The following MYT1L variants were observed in gnomAD, a reference collection of about 807,000 sequenced individuals.
MYT1L encodes myelin transcription factor 1 like.
MYT1L carries 12 observed loss-of-function variants against 126.7 expected under a neutral mutation model. The ratio of observed to expected loss-of-function variants is 0.09; its 90% CI spans 0.06 to 0.15. The LOEUF (loss-of-function observed/expected upper bound fraction) is 0.15. Among genes scored for constraint, MYT1L ranks in the 10% least tolerant of loss-of-function variants. The pLI, the probability that MYT1L is intolerant of heterozygous loss-of-function variation, is 1.00. For missense variants in MYT1L, 979 were observed against 1,585.2 expected (o/e 0.62, Z 6.49); for synonymous variants, 541 against 604.2 (o/e 0.90, Z 1.53).
In MYT1L at chr2:1,954,223, C is replaced by T. The variant is rs773207243; in HGVS notation, c.153-10889G>A. ...CTCCCCTGCCAGGCCAACACAAACG[C>T]TGAAGTCACCGTGAGTCAGAAAACA... is the stretch of plus-strand genomic sequence containing the variant. On this transcript the variant is annotated intron_variant, in intron 8 of 24. Transcript: ENST00000647738. 9.0e-4 allele frequency among the ~76,000 whole-genome samples: 137 copies of T among 152,200 alleles called. 3 individuals are homozygous for T. Among genetic ancestry groups the T allele is most frequent in the Non-Finnish European group, 1.8e-4 (12 of 68,050 alleles).
At chr2:2,211,702 G>A (rs1180262130) in intron 2 of MYT1L, among the ~76,000 whole-genome samples, 1 of 151,628 alleles carries the variant, frequency 6.6e-6, no homozygotes, top group Non-Finnish European at 1.5e-5. Flanking sequence ...CTACTCAGGA[G>A]GCTGAGGCAG....
intron 4 of MYT1L, among the ~76,000 whole-genome samples, chr2:2,000,601 T>TTTCCATGTAGAAAG (rs2062271091): frequency 1.3e-5 from 2 of 152,076 alleles, no homozygotes; most frequent in African/African-American, 2.4e-5. Context: ...GCCCTCCCAA[T>TTTCCATGTAGAAAG]ACAGCCGACT....
chr2:1,817,387 C>A lies in MYT1L; in HGVS notation c.3081-8220G>T, dbSNP rs143451406. On this transcript the variant is annotated intron_variant, in intron 21 of 24. Transcript: ENST00000647738. ...CCTGGACCCACACTGCGGTTCAGCA[C>A]CGGCTTTGCCCACAGTCTCACGCTG... 8.9e-3 allele frequency among the ~76,000 whole-genome samples: 1,349 copies of A among 152,330 alleles called. 16 individuals are homozygous for A. The highest frequency in any genetic ancestry group is 0.03 in the African/African-American group (1,232 of 41,564).
At chr2:2,319,978 T>G (rs1289412457) in intron 1 of MYT1L, among the ~76,000 whole-genome samples, 1 of 152,160 alleles carries the variant, frequency 6.6e-6, no homozygotes, top group Admixed American at 6.5e-5. Flanking sequence ...GCATTGACTT[T>G]GATATTTTCT....
chr2:2,140,671 T>C (rs1016623059), intron 3 of MYT1L, among the ~76,000 whole-genome samples: 4 of 152,096 alleles, frequency 2.6e-5, no homozygotes, highest in Admixed American at 2.6e-4. Context: ...CCTGACCTCA[T>C]GATCCGCCGC....
intron 4 of MYT1L, among the ~76,000 whole-genome samples, chr2:2,012,671 T>C (rs1469658038): frequency 6.6e-6 from 1 of 152,246 alleles, no homozygotes; most frequent in Non-Finnish European, 1.5e-5. Flanking sequence ...TTCCATTGTG[T>C]GCTCGTGATG....
chr2:2,083,488 G>C (rs1252538903), intron 3 of MYT1L, among the ~76,000 whole-genome samples: 1 of 152,216 alleles, frequency 6.6e-6, no homozygotes, highest in Non-Finnish European at 1.5e-5. Context: ...CACACAGTCT[G>C]AAGTGACTGA....
intron 2 of MYT1L, among the ~76,000 whole-genome samples, chr2:2,185,005 T>C (rs914291396): frequency 6.6e-6 from 1 of 152,212 alleles, no homozygotes; most frequent in Admixed American, 6.5e-5. Context: ...AAATAGTAAT[T>C]GCGTCTACTT....
chr2:1,983,992 T>C (rs966095482), intron 5 of MYT1L, among the ~76,000 whole-genome samples: 2 of 152,192 alleles, frequency 1.3e-5, no homozygotes, highest in Non-Finnish European at 2.9e-5. Context: ...AGATTTAAAA[T>C]TTGTTTTATA....
intron 13 of MYT1L, among the ~76,000 whole-genome samples, chr2:1,907,936 C>T (rs1441185504): frequency 1.3e-5 from 2 of 152,256 alleles, no homozygotes; most frequent in African/African-American, 2.4e-5. Context: ...CAGGGCCCAG[C>T]ACCCAGCGCC....
chr2:1,883,579 G>A (rs906019813), intron 18 of MYT1L, among the ~76,000 whole-genome samples: 2 of 152,012 alleles, frequency 1.3e-5, no homozygotes, highest in African/African-American at 4.8e-5. Context: ...ATTCTTTTTC[G>A]CTTTTTGGCC....
At chr2:1,875,747 C>G (rs769685046) in intron 18 of MYT1L, among the ~76,000 whole-genome samples, 1 of 152,186 alleles carries the variant, frequency 6.6e-6, no homozygotes, top group Non-Finnish European at 1.5e-5. Context: ...TCTAGAAGAC[C>G]TTCATTCCGA....
intron 2 of MYT1L, among the ~76,000 whole-genome samples, chr2:2,234,870 G>T (rs2094248190): frequency 6.6e-6 from 1 of 152,142 alleles, no homozygotes; most frequent in Non-Finnish European, 1.5e-5. Context: ...ATAGATGAGT[G>T]CTCAGGCCTC....
At chr2:2,004,210 T>TGTTCTTCCCTGCAGGC (rs2062804439) in intron 4 of MYT1L, among the ~76,000 whole-genome samples, 2 of 48,434 alleles carry the variant, frequency 4.1e-5, no homozygotes, top group Non-Finnish European at 8.0e-5. Flanking sequence ...TTCCTGAATG[T>TGTTCTTCCCTGCAGGC]GTTCTTTCCT....
intron 8 of MYT1L, among the ~76,000 whole-genome samples, chr2:1,945,914 G>C (rs1392763994): frequency 6.6e-6 from 1 of 152,194 alleles, no homozygotes; most frequent in Non-Finnish European, 1.5e-5. Flanking sequence ...AAAGGGAAGA[G>C]AAACAATTTT....
At chr2:1,957,316 C>T (rs991733243) in intron 8 of MYT1L, among the ~76,000 whole-genome samples, 35 of 152,136 alleles carry the variant, frequency 2.3e-4, no homozygotes, top group Admixed American at 1.9e-3. Context: ...GTTTTGGTTA[C>T]GTGCATTAAG....
At chr2:2,005,259 CATACGTTCTTTCCTGT>C (rs2063114997) in intron 4 of MYT1L, among the ~76,000 whole-genome samples, 1 of 146,796 alleles carries the variant, frequency 6.8e-6, no homozygotes, top group African/African-American at 2.5e-5. Context: ...TTCTTTCCTG[CATACGTTCTTTCCTGT>C]GTGCCTTCTT....
intron 1 of MYT1L, chr2:2,324,826 A>T (rs1182314093): frequency 6.6e-6 from 1 of 152,572 alleles, no homozygotes; most frequent in African/African-American, 2.4e-5. Flanking sequence ...CCCAAATCCT[A>T]AGGTGGGAGG....
chr2:1,846,366 A>C (rs1235427501), intron 19 of MYT1L, among the ~76,000 whole-genome samples: 3 of 152,200 alleles, frequency 2.0e-5, no homozygotes, highest in African/African-American at 7.2e-5. Context: ...TTATGTTTAA[A>C]TGATTAATAA....
Sources: gnomAD v4.1 joint callset for allele counts (sites outside exome capture counted in the v4.1 genomes callset) on GRCh38, gnomAD v4.1.1 for gene constraint, MANE v1.5 for transcripts, NCBI Gene and HGNC (gene_info 2026-07-23, HGNC 2026-07-21) for gene names.